The following ARFGAP3 variants were observed in gnomAD, a reference collection of about 807,000 sequenced individuals.
ARFGAP3 encodes the protein ARF GTPase activating protein 3, also known as ADP-ribosylation factor GTPase-activating protein 3.
In ARFGAP3, 72 loss-of-function variants were observed where a neutral mutation model predicts 75.0. The ratio of observed to expected loss-of-function variants is 0.96; its 90% confidence interval spans 0.79 to 1.17. The LOEUF is 1.17. Ranked by LOEUF, ARFGAP3 falls within the 50% of genes most tolerant of loss-of-function variation. ARFGAP3 has a pLI of 0.00. For synonymous variants in ARFGAP3, 221 were observed against 217.9 expected, an observed-to-expected ratio of 1.01 and a Z score of -0.13; for missense variants, 620 against 626.6, an observed-to-expected ratio of 0.99 and a Z score of 0.11.
At chr22:42,847,819 A>ATATTG (rs1927087108) in intron 1 of ARFGAP3, 187 bp from the exon 2 acceptor site, 1 of 189,074 alleles carries the variant, frequency 5.3e-6, no homozygotes, top group Admixed American at 6.7e-5. Flanking sequence ...TTTTATTATT[A>ATATTG]TATATAATTA....
chr22:42,827,062 T>C (rs1926073353), intron 6 of ARFGAP3, 63 bp from the exon 7 acceptor site: 2 of 1,588,276 alleles, frequency 1.3e-6, no homozygotes, highest in Non-Finnish European at 1.7e-6. Flanking sequence ...CTTTTGAATA[T>C]ATAATAATTC....
At position 42,822,348 on chromosome 22, in the gene ARFGAP3, A is replaced by G. The variant is rs776136367; in HGVS notation, c.734T>C (p.Ile245Thr). 2.5e-6 allele frequency: 4 copies of G among 1,613,998 alleles called. No homozygotes were observed. Among genetic ancestry groups the G allele is most frequent in the South Asian group, 1.1e-5 (1 of 91,060 alleles). ...QKLANTCFNE[I>T]EKQAQAADKM... ...ATCCGCAGCTTGAGCTTGTTTTTCA[A>G]TTTCATTAAAGCATGTGTTTGCCAG... Residue 245 changes from isoleucine to threonine, a missense_variant, in exon 9 of 16, where the codon ATT becomes ACT. Coordinates refer to ENST00000263245, the MANE Select transcript of ARFGAP3 (RefSeq NM_014570.5).
In ARFGAP3 at chr22:42,817,806, T is replaced by C. The variant is rs750685499; in HGVS notation, c.864A>G (p.Lys288=). Residue 288 remains lysine, a synonymous_variant, in exon 10 of 16, where the codon AAA becomes AAG. Transcript: ENST00000263245. ...TGCCACTAATGTTCATCTTTTCGTC[T>C]TTCTTCATTTGAATTTCAAGATCCT... The part of the protein sequence containing the change: ...AYKDLEIQMK[K]DEKMNISGKK... The C allele has an allele frequency of 3.7e-6, 6 of 1,613,422 alleles. No individual in the cohort carries two copies. The highest frequency in any genetic ancestry group is 5.1e-6 in the Non-Finnish European group (6 of 1,179,796).
chr22:42,805,293 C>A (rs1925068744), intron 14 of ARFGAP3, among the ~76,000 whole-genome samples: 1 of 152,230 alleles, frequency 6.6e-6, no homozygotes, highest in South Asian at 2.1e-4. Flanking sequence ...GGAAAGGCTG[C>A]TCTCATTTGA....
At chr22:42,852,471 T>C (rs961609883) in intron 1 of ARFGAP3, among the ~76,000 whole-genome samples, 24 of 151,656 alleles carry the variant, frequency 1.6e-4, no homozygotes, top group African/African-American at 5.8e-4. Context: ...GCAACTCTCC[T>C]GTCTCAGCCT....
chr22:42,812,890 A>G (rs753998380), intron 11 of ARFGAP3, among the ~76,000 whole-genome samples: 4 of 152,228 alleles, frequency 2.6e-5, no homozygotes, highest in African/African-American at 4.8e-5. Flanking sequence ...GGCTCTCCCT[A>G]TGGCGGATGA....
chr22:42,847,706 A>C, intron 1 of ARFGAP3, 74 bp from the exon 2 acceptor site: 2 of 1,532,148 alleles, frequency 1.3e-6, no homozygotes, highest in Non-Finnish European at 1.8e-6. Context: ...ACAGTAAATG[A>C]CTTAGCTTGA....
chr22:42,847,634 T>C lies in ARFGAP3; in HGVS notation c.70-2A>G. 6.2e-7 allele frequency: 1 copy of C among 1,604,310 alleles called. No homozygotes were observed. The highest frequency in any genetic ancestry group is 8.5e-7 in the Non-Finnish European group (1 of 1,176,168). ...TTTGGCACCACAATCAAAACACACC[T>C]GAAAAAAAATGTTAAATTCAGTTAC... On this transcript the variant is annotated splice_acceptor_variant, in intron 1 of 15. Coordinates refer to ENST00000263245, the MANE Select transcript of ARFGAP3 (RefSeq NM_014570.5). LOFTEE classifies it high-confidence loss of function.
Position 42,807,389 on chromosome 22 carries a change from G to T in ARFGAP3, c.1321-226C>A, listed in dbSNP as rs891873318. 1.1e-5 allele frequency: 4 copies of T among 365,242 alleles called. No homozygotes were observed. The Admixed American group carries it at 1.9e-4, about 18-fold the overall frequency. The allele number at this position is 365,242 out of a possible 1,614,324, so 22.6% of individuals were successfully genotyped here. A position where few individuals can be genotyped will look rare whatever the true frequency, so the allele number is the denominator to read the frequency against. ...AGACTGATCAACATACAACACCTCA[G>T]CCACGATGGCCAGTGCGGAGGCCGT... On this transcript the variant is annotated intron_variant, in intron 13 of 15. Coordinates refer to ENST00000263245, the MANE Select transcript of ARFGAP3 (RefSeq NM_014570.5).
intron 2 of ARFGAP3, among the ~76,000 whole-genome samples, chr22:42,841,707 G>A (rs1190805693): frequency 1.3e-5 from 2 of 152,110 alleles, no homozygotes; most frequent in Non-Finnish European, 2.9e-5. Flanking sequence ...TTGTTATTCA[G>A]TAATAGCTTG....
chr22:42,825,499 C>T (rs1320560533), intron 7 of ARFGAP3, among the ~76,000 whole-genome samples: 1 of 151,764 alleles, frequency 6.6e-6, no homozygotes, highest in Non-Finnish European at 1.5e-5. Context: ...TATGGTGAAA[C>T]CCCGTCTCCA....
chr22:42,842,011 CTTT>C (rs55825441), intron 2 of ARFGAP3, among the ~76,000 whole-genome samples: 1,094 of 91,256 alleles, frequency 0.012, 20 homozygotes, highest in African/African-American at 0.049. Flanking sequence ...CCATGCCGGG[CTTT>C]TTTTTTTTTT....
chr22:42,823,552 T>G, intron 8 of ARFGAP3, 104 bp downstream of exon 8: 1 of 833,410 alleles, frequency 1.2e-6, no homozygotes. Context: ...AAAGCTACAT[T>G]TATTACAAGA....
intron 1 of ARFGAP3, among the ~76,000 whole-genome samples, chr22:42,852,671 A>G (rs761348870): frequency 2.6e-4 from 40 of 152,086 alleles, no homozygotes; most frequent in Non-Finnish European, 4.0e-4. Context: ...GAAATTCTTA[A>G]TACTGTTCAA....
At chr22:42,808,680 C>T in intron 13 of ARFGAP3, 87 bp downstream of exon 13, 1 of 1,143,176 alleles carries the variant, frequency 8.7e-7, no homozygotes, top group Non-Finnish European at 1.3e-6. Flanking sequence ...GAGCCCAGCT[C>T]ACTCAGGATC....
At chr22:42,807,905 G>A (rs954746998) in intron 13 of ARFGAP3, among the ~76,000 whole-genome samples, 1 of 150,164 alleles carries the variant, frequency 6.7e-6, no homozygotes, top group African/African-American at 2.5e-5. Flanking sequence ...CCACCATACC[G>A]AGCTAATTTT....
intron 8 of ARFGAP3, 195 bp from the exon 9 acceptor site, chr22:42,822,604 G>C (rs147218515): frequency 9.5e-6 from 2 of 210,364 alleles, no homozygotes; most frequent in Non-Finnish European, 1.6e-5. Context: ...TTGGTTTCAC[G>C]ACCCTGTGGA....
Position 42,831,568 on chromosome 22 carries a change from G to C in ARFGAP3, c.546C>G (p.Thr182=). Residue 182 remains threonine (T), a synonymous_variant, in exon 6 of 16, where the codon ACC becomes ACG. Coordinates refer to ENST00000263245, the MANE Select transcript of ARFGAP3 (RefSeq NM_014570.5). ...PSSLTSRPVE[T]TLENNEGGQE... is the part of the protein sequence containing the mutation. ...CTCCACCTTCATTATTTTCCAAAGT[G>C]GTTTCCACAGGCCTTGATGTTAAAG... The C allele has an allele frequency of 1.2e-6, 2 of 1,613,568 alleles. No individual in the cohort carries two copies. The highest frequency in any genetic ancestry group is 1.7e-6 in the Non-Finnish European group (2 of 1,179,844).
At position 42,796,585 on chromosome 22, in the gene ARFGAP3, A is replaced by G. The variant is rs574551186; in HGVS notation, c.*1003T>C. The stretch of plus-strand genomic sequence containing the variant: ...CTACAAATTTGAGCTTTTAAGAAAG[A>G]TTCACAAAATATTCATTCAAAACCA... On this transcript the variant is annotated 3_prime_UTR_variant, in exon 16 of 16. Transcript: ENST00000263245. The G allele has an allele frequency of 6.6e-6, 1 of 152,356 alleles. No homozygotes were observed. Among genetic ancestry groups the G allele is most frequent in the Non-Finnish European group, 1.5e-5 (1 of 68,040 alleles). The allele number at this position is 152,356 out of a possible 1,614,324, so 9.4% of individuals were successfully genotyped here.
Sources: gnomAD v4.1 joint callset for allele counts (sites outside exome capture counted in the v4.1 genomes callset) on GRCh38, gnomAD v4.1.1 for gene constraint, MANE v1.5 for transcripts, NCBI Gene and HGNC (gene_info 2026-07-23, HGNC 2026-07-21) for gene names.